The following CD99 variants were observed in gnomAD, a reference collection of about 807,000 sequenced individuals.
CD99 encodes CD99 antigen.
In CD99, 19 loss-of-function variants were observed where a neutral mutation model predicts 28.4. That is an observed-to-expected ratio of 0.67 (90% CI 0.47 to 0.98). The LOEUF (loss-of-function observed/expected upper bound fraction) is 0.98. CD99 is among the 50% of genes least tolerant of loss of function. The pLI, the probability that CD99 is intolerant of heterozygous loss-of-function variation, is 0.00. For synonymous variants in CD99, 103 were observed against 92.1 expected (o/e 1.12, Z -0.67); for missense variants, 283 against 248.8 (o/e 1.14, Z -0.92).
At chrX:2,709,705 C>CACACACATGCATGTACATAG (rs1263950062) in intron 1 of CD99, among the ~76,000 whole-genome samples, 8 of 152,154 alleles carry the variant, frequency 5.3e-5, no homozygotes, top group South Asian at 2.1e-4. Context: ...TGAACATAGA[C>CACACACATGCATGTACATAG]ACACACATGC....
intron 1 of CD99, chrX:2,691,967 C>G (rs1405698353): frequency 5.2e-6 from 4 of 772,904 alleles, no homozygotes; most frequent in Non-Finnish European, 9.6e-6. Context: ...TTCAAAAATA[C>G]TCTGTGGATG....
intron 8 of CD99, among the ~76,000 whole-genome samples, chrX:2,737,247 A>C (rs1361712770): frequency 6.6e-6 from 1 of 151,930 alleles, no homozygotes; most frequent in African/African-American, 2.4e-5. Context: ...CCACGATCTC[A>C]GCTCACTGCA....
At chrX:2,722,778 C>T in intron 6 of CD99, 104 bp downstream of exon 6, 2 of 1,185,200 alleles carry the variant, frequency 1.7e-6, no homozygotes, top group Non-Finnish European at 2.5e-6. Flanking sequence ...TCTGTGAACT[C>T]ACAGTGAAAT....
chrX:2,732,558 TCTCC>T (rs976136937), intron 8 of CD99, among the ~76,000 whole-genome samples: 55 of 126,484 alleles, frequency 4.3e-4, no homozygotes, highest in Non-Finnish European at 7.4e-4. Flanking sequence ...TGCCCTCAGT[TCTCC>T]CTCTCTCTCT....
At chrX:2,717,899 C>CTA in intron 3 of CD99, 1 of 501,306 alleles carries the variant, frequency 2.0e-6, no homozygotes, top group East Asian at 3.4e-5. Context: ...TGCTTTTATT[C>CTA]TAAGGGTCTG....
In CD99 at chrX:2,720,364, C is replaced by G; in HGVS notation, c.202C>G (p.Arg68Gly). The change falls in exon 5 of 10, where the codon CGA becomes GGA. Residue 68 changes from arginine to glycine, a missense_variant. By Grantham distance (125) the Arg-to-Gly change is moderately radical. Transcript: ENST00000381192. ...TCATCTTTCACAAACAGACGACCCA[C>G]GACCACCGAACCCACCCAAACCGAT... Reference protein sequence around the residue: ...AVVDGENDDPRPPNPPKPMPN... With the variant: ...AVVDGENDDPGPPNPPKPMPN... 1.2e-6 allele frequency: 2 copies of G among 1,613,806 alleles called. No individual in the cohort carries two copies. Among genetic ancestry groups the G allele is most frequent in the Non-Finnish European group, 1.7e-6 (2 of 1,179,810 alleles).
chrX:2,720,256 G>A (rs2048929059), intron 4 of CD99, 100 bp from the exon 5 acceptor site: 1 of 1,056,080 alleles, frequency 9.5e-7, no homozygotes, highest in Admixed American at 1.7e-5. Flanking sequence ...CAAAGGCCAA[G>A]GTCCAATTTC....
chrX:2,707,342 AAG>A (rs1343777874), intron 1 of CD99, among the ~76,000 whole-genome samples: 1 of 150,810 alleles, frequency 6.6e-6, no homozygotes, highest in East Asian at 1.9e-4. Context: ...AAGAAAAGAA[AAG>A]AAAAGAAAAA....
At chrX:2,691,464 A>T (rs770676663) in intron 1 of CD99, 37 bp downstream of exon 1, 4 of 1,561,120 alleles carry the variant, frequency 2.6e-6, no homozygotes, top group South Asian at 2.3e-5. Context: ...GGGGACGCGG[A>T]GGGCGCGGGC....
At chrX:2,740,668 A>T in intron 9 of CD99, 111 bp from the exon 10 acceptor site, 1 of 1,077,680 alleles carries the variant, frequency 9.3e-7, no homozygotes. Context: ...TTTTGGGCCC[A>T]TTTTTCTTAT....
chrX:2,725,892 C>T (rs761562153), intron 7 of CD99, among the ~76,000 whole-genome samples: 3 of 152,292 alleles, frequency 2.0e-5, no homozygotes, highest in Non-Finnish European at 2.9e-5. Context: ...GGATTACAGG[C>T]GTGAGCCACC....
intron 8 of CD99, among the ~76,000 whole-genome samples, chrX:2,735,158 C>T (rs1399635829): frequency 6.6e-6 from 1 of 152,220 alleles, no homozygotes; most frequent in African/African-American, 2.4e-5. Flanking sequence ...AGATTAGCCA[C>T]TGCTAGACAG....
At chrX:2,725,470 A>C (rs1321240376) in intron 7 of CD99, among the ~76,000 whole-genome samples, 1 of 152,210 alleles carries the variant, frequency 6.6e-6, no homozygotes, top group Admixed American at 6.5e-5. Flanking sequence ...ACCCAAAGCT[A>C]TCTTCAAGGG....
At chrX:2,720,332 G>A (rs769447618) in intron 4 of CD99, 24 bp from the exon 5 acceptor site, 4 of 1,612,046 alleles carry the variant, frequency 2.5e-6, no homozygotes, top group Non-Finnish European at 3.4e-6. Flanking sequence ...ACTTAAAATT[G>A]CAACTCTCAT....
chrX:2,712,075 C>T (rs1159584833), intron 1 of CD99, among the ~76,000 whole-genome samples: 1 of 152,086 alleles, frequency 6.6e-6, no homozygotes, highest in African/African-American at 2.4e-5. Flanking sequence ...TTTGCAACAA[C>T]ATGGATGGAA....
At chrX:2,732,540 T>C (rs779745047) in intron 8 of CD99, among the ~76,000 whole-genome samples, 1 of 145,642 alleles carries the variant, frequency 6.9e-6, no homozygotes, top group Admixed American at 6.9e-5. Context: ...CTTTTCTCTT[T>C]CTTCCTTTGC....
intron 3 of CD99, 38 bp downstream of exon 3, chrX:2,717,690 G>A (rs2048797130): frequency 1.9e-6 from 3 of 1,581,804 alleles, no homozygotes; most frequent in East Asian, 2.2e-5. Flanking sequence ...AAGAAAAAGA[G>A]CAAATCATTT....
intron 1 of CD99, among the ~76,000 whole-genome samples, chrX:2,709,869 G>A (rs1331933213): frequency 1.3e-5 from 2 of 152,184 alleles, no homozygotes; most frequent in African/African-American, 2.4e-5. Flanking sequence ...ACCTAAACCC[G>A]AAGGTGGTTG....
intron 8 of CD99, among the ~76,000 whole-genome samples, chrX:2,728,347 C>T: frequency 6.6e-6 from 1 of 151,824 alleles, no homozygotes. Context: ...AGATGTGCAC[C>T]ACCACGCACA....
Sources: allele counts gnomAD v4.1 joint callset (sites outside exome capture counted in the v4.1 genomes callset), GRCh38; gene constraint gnomAD v4.1.1; transcripts MANE v1.5; gene names NCBI Gene and HGNC (gene_info 2026-07-23, HGNC 2026-07-21).